PDE4D: variants seen among roughly 807,000 people sequenced by gnomAD.
PDE4D encodes phosphodiesterase 4D.
PDE4D carries 24 observed loss-of-function variants against 87.4 expected under a neutral mutation model. The ratio of observed to expected loss-of-function variants is 0.27; its 90% CI spans 0.20 to 0.39. The LOEUF (loss-of-function observed/expected upper bound fraction) is 0.39, where lower values mean the gene tolerates loss of function less well. Among genes scored for constraint, PDE4D ranks in the 10% least tolerant of loss-of-function variants. The probability of loss-of-function intolerance (pLI) is 1.00; values close to 1 mark genes in which losing one functional copy is unlikely to be tolerated. For synonymous variants in PDE4D, 384 were observed against 383.2 expected (o/e 1.00, Z -0.02); for missense variants, 714 against 1,041.0 (o/e 0.69, Z 4.32).
intron 1 of PDE4D, among the ~76,000 whole-genome samples, chr5:59,542,681 A>G (rs1376228914): frequency 6.6e-6 from 1 of 152,216 alleles, no homozygotes; most frequent in Non-Finnish European, 1.5e-5. Flanking sequence ...TATTTAAAAT[A>G]CAACCTGGGC....
rs138516274 is a variant in PDE4D, at chr5:60,134,044, T to C, written c.42+51513A>G. Among the ~76,000 whole-genome samples, 807 of 152,322 alleles carry C rather than the reference T, an allele frequency of 5.3e-3. 10 individuals are homozygous for C. Among genetic ancestry groups the C allele is most frequent in the African/African-American group, 0.018 (763 of 41,574 alleles). On this transcript the variant is annotated intron_variant, in intron 2 of 16. Transcript: ENST00000502484. ...TAGACTTCTTGCAAGCACTTCAAAA[T>C]TAAGTATGTTAGATATGTGATCTGC...
At chr5:59,649,573 C>T (rs947896528) in intron 1 of PDE4D, among the ~76,000 whole-genome samples, 1 of 151,718 alleles carries the variant, frequency 6.6e-6, no homozygotes, top group African/African-American at 2.4e-5. Context: ...ATGGTAATGG[C>T]CAAAGGGGAG....
chr5:59,746,693 TG>T (rs1391864001), intron 1 of PDE4D, among the ~76,000 whole-genome samples: 3 of 152,150 alleles, frequency 2.0e-5, no homozygotes, highest in Non-Finnish European at 4.4e-5. Flanking sequence ...AATCTCCTTA[TG>T]CTCCTGTATC....
intron 1 of PDE4D, among the ~76,000 whole-genome samples, chr5:60,281,719 A>G (rs1056467472): frequency 9.2e-5 from 14 of 152,094 alleles, no homozygotes; most frequent in African/African-American, 3.4e-4. Context: ...GAAGTGAAAA[A>G]TAATAGAAAA....
chr5:59,737,509 A>T (rs1335939819), intron 1 of PDE4D, among the ~76,000 whole-genome samples: 1 of 152,152 alleles, frequency 6.6e-6, no homozygotes, highest in Non-Finnish European at 1.5e-5. Flanking sequence ...GTTGACATAC[A>T]TAATTTCTTA....
At chr5:59,175,780 C>CTTTTTTT (rs1783767325) in intron 5 of PDE4D, among the ~76,000 whole-genome samples, 3 of 91,554 alleles carry the variant, frequency 3.3e-5, no homozygotes, top group African/African-American at 1.5e-4. Context: ...GCCCGGCCTC[C>CTTTTTTT]ATTTTTTTTT....
At chr5:59,756,644 G>C (rs1761271606) in intron 1 of PDE4D, among the ~76,000 whole-genome samples, 1 of 151,886 alleles carries the variant, frequency 6.6e-6, no homozygotes, top group African/African-American at 2.4e-5. Flanking sequence ...AGGACTTCTA[G>C]TCTGGAAGGG....
At chr5:59,274,854 G>A (rs919495799) in intron 1 of PDE4D, among the ~76,000 whole-genome samples, 1 of 150,606 alleles carries the variant, frequency 6.6e-6, no homozygotes, top group African/African-American at 2.4e-5. Context: ...TAAGCAACTT[G>A]ATATACATTT....
At chr5:60,494,043 T>C (rs1006181218) in intron 1 of PDE4D, among the ~76,000 whole-genome samples, 1 of 152,222 alleles carries the variant, frequency 6.6e-6, no homozygotes, top group Non-Finnish European at 1.5e-5. Context: ...GTGAGGCTTA[T>C]CGGACCCACA....
chr5:60,259,693 G>A (rs1237729426), intron 1 of PDE4D, among the ~76,000 whole-genome samples: 1 of 152,058 alleles, frequency 6.6e-6, no homozygotes, highest in Non-Finnish European at 1.5e-5. Context: ...CTTATGGACA[G>A]TTTGACTCAT....
intron 5 of PDE4D, among the ~76,000 whole-genome samples, chr5:59,142,286 C>A (rs1321129915): frequency 6.6e-6 from 1 of 152,176 alleles, no homozygotes; most frequent in East Asian, 1.9e-4. Flanking sequence ...TGAAATGCAT[C>A]TCATCCTTTC....
At chr5:59,311,767 T>C (rs938027268) in intron 1 of PDE4D, among the ~76,000 whole-genome samples, 2 of 152,166 alleles carry the variant, frequency 1.3e-5, no homozygotes, top group Non-Finnish European at 2.9e-5. Flanking sequence ...CGGCTAGACC[T>C]TTTCTGCCAT....
At chr5:59,333,341 G>A (rs114226212) in intron 1 of PDE4D, among the ~76,000 whole-genome samples, 438 of 152,092 alleles carry the variant, frequency 2.9e-3, no homozygotes, top group African/African-American at 0.01. Flanking sequence ...TGGATATATC[G>A]AGAAGGGGGA....
chr5:59,126,152 AG>A (rs1775370871), intron 5 of PDE4D, among the ~76,000 whole-genome samples: 1 of 151,980 alleles, frequency 6.6e-6, no homozygotes, highest in Non-Finnish European at 1.5e-5. Flanking sequence ...AAAGGAAAAA[AG>A]GAAGGGAAGA....
At chr5:59,698,766 G>A (rs62370498) in intron 1 of PDE4D, among the ~76,000 whole-genome samples, 7,133 of 152,228 alleles carry the variant, frequency 0.047, 186 homozygotes, top group Middle Eastern at 0.061. Context: ...AACATTCTGC[G>A]CTGAAGACCT....
intron 2 of PDE4D, among the ~76,000 whole-genome samples, chr5:60,097,398 T>C (rs1703030418): frequency 6.6e-6 from 1 of 151,834 alleles, no homozygotes. Context: ...TCAAATCCCA[T>C]TCACATCTGA....
chr5:59,460,016 C>T (rs1800521416), intron 1 of PDE4D, among the ~76,000 whole-genome samples: 1 of 151,984 alleles, frequency 6.6e-6, no homozygotes, highest in East Asian at 1.9e-4. Flanking sequence ...ATTAGAACTG[C>T]CCTGTAATGT....
intron 6 of PDE4D, among the ~76,000 whole-genome samples, chr5:59,029,830 T>C (rs1451883303): frequency 6.6e-6 from 1 of 152,126 alleles, no homozygotes; most frequent in Non-Finnish European, 1.5e-5. Context: ...GTTATTGACA[T>C]AAAAACAAAC....
chr5:59,616,770 T>G (rs1829718170), intron 1 of PDE4D, among the ~76,000 whole-genome samples: 1 of 151,510 alleles, frequency 6.6e-6, no homozygotes, highest in African/African-American at 2.4e-5. Context: ...CCATGGAGAT[T>G]ATAATTCTGA....
Sources: allele counts gnomAD v4.1 joint callset (sites outside exome capture counted in the v4.1 genomes callset), GRCh38; gene constraint gnomAD v4.1.1; transcripts MANE v1.5; gene names NCBI Gene and HGNC (gene_info 2026-07-23, HGNC 2026-07-21).